CDC14B: variants seen among roughly 807,000 people sequenced by gnomAD.
The protein encoded by CDC14B is dual specificity protein phosphatase CDC14B.
CDC14B carries 22 observed loss-of-function variants against 64.2 expected under a neutral mutation model. The ratio of observed to expected loss-of-function variants is 0.34; its 90% confidence interval spans 0.24 to 0.49. CDC14B has a LOEUF of 0.49. Ranked by LOEUF, CDC14B falls within the 20% of genes least tolerant of loss-of-function variation. The pLI is 0.99. For missense variants in CDC14B, 498 were observed against 629.9 expected, an observed-to-expected ratio of 0.79 and a Z score of 2.24; for synonymous variants, 191 against 215.8, an observed-to-expected ratio of 0.89 and a Z score of 1.01.
chr9:96,603,662 T>C (rs1846657892), intron 1 of CDC14B, among the ~76,000 whole-genome samples: 1 of 152,244 alleles, frequency 6.6e-6, no homozygotes, highest in Non-Finnish European at 1.5e-5. Context: ...CTTGATCCCA[T>C]GTGAAAGCTT....
At chr9:96,615,357 T>C (rs1847560831) in intron 1 of CDC14B, among the ~76,000 whole-genome samples, 1 of 152,104 alleles carries the variant, frequency 6.6e-6, no homozygotes, top group Non-Finnish European at 1.5e-5. Context: ...TACTAAACAA[T>C]AGTGATTATA....
chr9:96,618,534 G>A, intron 1 of CDC14B: 1 of 533,502 alleles, frequency 1.9e-6, no homozygotes, highest in Non-Finnish European at 3.8e-6. Context: ...GTGACAACCC[G>A]GACATTCGTC....
intron 1 of CDC14B, among the ~76,000 whole-genome samples, chr9:96,584,150 G>A (rs867992229): frequency 2.6e-5 from 4 of 152,226 alleles, no homozygotes; most frequent in South Asian, 2.1e-4. Context: ...AGGACAGGAC[G>A]AATCATCTGT....
intron 9 of CDC14B, among the ~76,000 whole-genome samples, chr9:96,531,508 G>A (rs1031643489): frequency 2.6e-5 from 4 of 151,864 alleles, no homozygotes; most frequent in African/African-American, 9.7e-5. Flanking sequence ...TTAGTAATTT[G>A]AGTCTTCTTC....
downstream of CDC14B, among the ~76,000 whole-genome samples, chr9:96,498,458 A>C (rs1165031074): frequency 6.6e-6 from 1 of 152,190 alleles, no homozygotes; most frequent in Non-Finnish European, 1.5e-5. Flanking sequence ...GGTCCCTTGC[A>C]GCTCCTCTCC....
chr9:96,576,632 CAAAAAAAA>C (rs11304216), intron 1 of CDC14B, among the ~76,000 whole-genome samples: 2 of 81,660 alleles, frequency 2.4e-5, no homozygotes, highest in African/African-American at 4.2e-5. Flanking sequence ...GACTCCATCT[CAAAAAAAA>C]AAAAAAAAAA....
At chr9:96,525,188 A>G (rs191325338) in intron 9 of CDC14B, among the ~76,000 whole-genome samples, 30 of 151,986 alleles carry the variant, frequency 2.0e-4, no homozygotes, top group African/African-American at 6.0e-4. Context: ...GTGGCTGGAC[A>G]CTCCCCCTCT....
intron 4 of CDC14B, 187 bp downstream of exon 4, chr9:96,562,506 A>C (rs1843345957): frequency 3.4e-6 from 2 of 587,322 alleles, no homozygotes; most frequent in South Asian, 4.3e-5. Context: ...GGTACAGGAG[A>C]TCTCTCATCT....
intron 5 of CDC14B, among the ~76,000 whole-genome samples, chr9:96,544,109 C>T (rs766648716): frequency 4.0e-5 from 6 of 151,792 alleles, no homozygotes; most frequent in Admixed American, 6.6e-5. Context: ...CCCAGCTACC[C>T]GGGAGGCTGA....
rs536844145 is a variant in CDC14B, at chr9:96,493,570, C to T, written c.*81-318G>A. On this transcript the variant is annotated intron_variant and NMD_transcript_variant, in intron 13 of 13. Transcript: ENST00000474602. ...GCAAAACTAGACTGGGCATGGTGGC[C>T]CACACCTGTAATACTTTGGGAGGCT... 2.0e-5 allele frequency among the ~76,000 whole-genome samples: 3 copies of T among 152,216 alleles called. No homozygotes were observed. In the East Asian group the frequency reaches 5.8e-4, roughly 29 times the overall value.
intron 9 of CDC14B, among the ~76,000 whole-genome samples, chr9:96,529,490 C>CTTTT (rs56239842): frequency 1.5e-5 from 2 of 131,112 alleles, no homozygotes; most frequent in African/African-American, 2.9e-5. Context: ...TGTACTAAGC[C>CTTTT]TTTTTTTTTT....
chr9:96,573,341 G>A (rs148566650), intron 1 of CDC14B, among the ~76,000 whole-genome samples: 10 of 151,752 alleles, frequency 6.6e-5, no homozygotes, highest in East Asian at 3.9e-4. Flanking sequence ...GATGAGAATC[G>A]GCAGATAAAC....
chr9:96,548,292 C>T (rs566647653), intron 5 of CDC14B, among the ~76,000 whole-genome samples: 1 of 151,848 alleles, frequency 6.6e-6, no homozygotes, highest in Admixed American at 6.6e-5. Context: ...GAGGCAAGCC[C>T]CACACACACA....
At chr9:96,542,443 G>A (rs1840192056) in intron 5 of CDC14B, among the ~76,000 whole-genome samples, 1 of 151,988 alleles carries the variant, frequency 6.6e-6, no homozygotes, top group African/African-American at 2.4e-5. Flanking sequence ...GCATTTTGTT[G>A]CTATCGTTAT....
chr9:96,610,359 C>T (rs1466526803), intron 1 of CDC14B, among the ~76,000 whole-genome samples: 2 of 152,064 alleles, frequency 1.3e-5, no homozygotes, highest in South Asian at 2.1e-4. Context: ...CCACCACGCC[C>T]GGCTAATTTT....
At chr9:96,552,382 A>C (rs1480677165) in intron 4 of CDC14B, among the ~76,000 whole-genome samples, 1 of 152,212 alleles carries the variant, frequency 6.6e-6, no homozygotes, top group African/African-American at 2.4e-5. Flanking sequence ...ACGCTCATTG[A>C]CTTCTTTTGT....
chr9:96,535,083 A>T (rs549854002), intron 7 of CDC14B, among the ~76,000 whole-genome samples: 3 of 152,306 alleles, frequency 2.0e-5, no homozygotes, highest in South Asian at 2.1e-4. Context: ...TAAGGCAACC[A>T]ATTTAAAAAG....
intron 1 of CDC14B, among the ~76,000 whole-genome samples, chr9:96,603,161 C>CAA (rs1846620944): frequency 2.7e-5 from 4 of 145,582 alleles, no homozygotes; most frequent in African/African-American, 1.1e-4. Context: ...AACGGACACA[C>CAA]ACACACACAC....
intron 1 of CDC14B, among the ~76,000 whole-genome samples, chr9:96,584,007 C>T (rs1040080521): frequency 6.6e-6 from 1 of 152,084 alleles, no homozygotes; most frequent in Non-Finnish European, 1.5e-5. Flanking sequence ...CATGAGCCAC[C>T]GCGCCTGGCG....
Sources: allele counts gnomAD v4.1 joint callset (sites outside exome capture counted in the v4.1 genomes callset), GRCh38; gene constraint gnomAD v4.1.1; transcripts MANE v1.5; gene names NCBI Gene and HGNC (gene_info 2026-07-23, HGNC 2026-07-21).